Variants in GPC5 observed in about 807,000 individuals in gnomAD.
The protein encoded by GPC5 is glypican 5.
In GPC5, 47 loss-of-function variants were observed where a neutral mutation model predicts 53.9. The ratio of observed to expected loss-of-function variants is 0.87; its 90% CI spans 0.69 to 1.11. The LOEUF (loss-of-function observed/expected upper bound fraction) is 1.11, where lower values mean the gene tolerates loss of function less well. Ranked by LOEUF, GPC5 falls within the 50% of genes most tolerant of loss-of-function variation. GPC5 has a pLI of 0.00. For synonymous variants in GPC5, 286 were observed against 263.3 expected (o/e 1.09, Z -0.84); for missense variants, 748 against 713.1 (o/e 1.05, Z -0.56).
chr13:92,182,609 C>T (rs1025029432), intron 7 of GPC5, among the ~76,000 whole-genome samples: 15 of 151,982 alleles, frequency 9.9e-5, no homozygotes, highest in African/African-American at 3.4e-4. Context: ...AAGAAAATTC[C>T]GATCGCCATA....
chr13:91,781,653 G>A (rs573443663), intron 5 of GPC5, among the ~76,000 whole-genome samples: 2 of 152,250 alleles, frequency 1.3e-5, no homozygotes, highest in East Asian at 1.9e-4. Context: ...TTTACCAACC[G>A]CATGAAATAG....
chr13:91,449,508 T>A (rs1881038873), intron 2 of GPC5, among the ~76,000 whole-genome samples: 1 of 152,058 alleles, frequency 6.6e-6, no homozygotes, highest in South Asian at 2.1e-4. Context: ...ATGCTCTCCC[T>A]CCCCTTGCGT....
intron 7 of GPC5, among the ~76,000 whole-genome samples, chr13:92,428,219 A>T (rs1326522803): frequency 6.6e-6 from 1 of 152,056 alleles, no homozygotes; most frequent in African/African-American, 2.4e-5. Flanking sequence ...GGCTCTGCTG[A>T]TGTCATCGTA....
At chr13:92,237,775 C>T (rs1409228871) in intron 7 of GPC5, among the ~76,000 whole-genome samples, 1 of 152,002 alleles carries the variant, frequency 6.6e-6, no homozygotes, top group Non-Finnish European at 1.5e-5. Flanking sequence ...AATTTTAGAA[C>T]ATTTTCATCA....
intron 7 of GPC5, among the ~76,000 whole-genome samples, chr13:92,556,283 G>C (rs1435790301): frequency 6.6e-6 from 1 of 151,716 alleles, no homozygotes; most frequent in Non-Finnish European, 1.5e-5. Context: ...GTGTGATCTA[G>C]TTTTAACTTT....
intron 7 of GPC5, among the ~76,000 whole-genome samples, chr13:92,619,934 A>G (rs961439703): frequency 6.6e-6 from 1 of 152,078 alleles, no homozygotes; most frequent in Non-Finnish European, 1.5e-5. Flanking sequence ...TCACTAATCT[A>G]CAATCAGAGG....
intron 7 of GPC5, among the ~76,000 whole-genome samples, chr13:92,302,972 C>G (rs1315218286): frequency 1.3e-5 from 2 of 152,108 alleles, no homozygotes; most frequent in African/African-American, 4.8e-5. Flanking sequence ...TTTTCAAAAC[C>G]TTTATTTCTA....
chr13:91,828,859 AAAG>A (rs947633210), intron 5 of GPC5, among the ~76,000 whole-genome samples: 3 of 152,060 alleles, frequency 2.0e-5, no homozygotes, highest in Non-Finnish European at 2.9e-5. Flanking sequence ...AATGTACAAA[AAAG>A]AAGAGGTTGG....
At chr13:92,741,370 T>C (rs1189705809) in intron 7 of GPC5, among the ~76,000 whole-genome samples, 1 of 151,874 alleles carries the variant, frequency 6.6e-6, no homozygotes, top group Non-Finnish European at 1.5e-5. Context: ...CGTGGGAGGC[T>C]CTGAGCTTTC....
At chr13:92,385,993 A>G (rs1306185169) in intron 7 of GPC5, among the ~76,000 whole-genome samples, 1 of 151,770 alleles carries the variant, frequency 6.6e-6, no homozygotes, top group Non-Finnish European at 1.5e-5. Flanking sequence ...AGGATAATGT[A>G]ATGAAGCATA....
intron 6 of GPC5, among the ~76,000 whole-genome samples, chr13:91,919,629 A>G (rs1231592868): frequency 1.3e-5 from 2 of 152,176 alleles, no homozygotes; most frequent in African/African-American, 2.4e-5. Flanking sequence ...CCTAGGATAC[A>G]TGGAAATATG....
chr13:91,788,181 A>G (rs1162395866), intron 5 of GPC5, among the ~76,000 whole-genome samples: 2 of 152,212 alleles, frequency 1.3e-5, no homozygotes, highest in African/African-American at 2.4e-5. Flanking sequence ...AGGTGCTGAC[A>G]TGTTTAGTAT....
chr13:92,696,511 G>C (rs1199851104), intron 7 of GPC5, among the ~76,000 whole-genome samples: 1 of 152,154 alleles, frequency 6.6e-6, no homozygotes, highest in Non-Finnish European at 1.5e-5. Context: ...AGAAGCATCT[G>C]TTCATAGCCT....
At chr13:92,071,836 CAT>C (rs887886048) in intron 6 of GPC5, among the ~76,000 whole-genome samples, 5 of 146,204 alleles carry the variant, frequency 3.4e-5, no homozygotes, top group South Asian at 4.2e-4. Flanking sequence ...ATATTTTATT[CAT>C]ATATATATAA....
At chr13:91,890,210 T>G (rs927655032) in intron 5 of GPC5, among the ~76,000 whole-genome samples, 2 of 152,172 alleles carry the variant, frequency 1.3e-5, no homozygotes, top group African/African-American at 4.8e-5. Flanking sequence ...AAGATTGTGG[T>G]TTTTGCAGTC....
chr13:91,731,339 G>A (rs1361336408), intron 4 of GPC5, among the ~76,000 whole-genome samples: 1 of 152,152 alleles, frequency 6.6e-6, no homozygotes, highest in Admixed American at 6.6e-5. Context: ...GAGGTAAGTA[G>A]CGAGGTGTTA....
intron 2 of GPC5, among the ~76,000 whole-genome samples, chr13:91,688,504 T>A (rs191726674): frequency 1.3e-5 from 2 of 152,260 alleles, no homozygotes; most frequent in Non-Finnish European, 2.9e-5. Flanking sequence ...AGTCCCCCAA[T>A]TTTTTGATAT....
intron 6 of GPC5, among the ~76,000 whole-genome samples, chr13:92,036,659 C>T (rs2040895318): frequency 1.3e-5 from 2 of 152,332 alleles, no homozygotes; most frequent in Middle Eastern, 3.4e-3. Context: ...CCTCCCTCAA[C>T]ATGGATGTCA....
At position 92,579,304 on chromosome 13, in the gene GPC5, TCC is replaced by T. The variant is rs1464196989; in HGVS notation, c.1562-286976_1562-286975del. Among the ~76,000 whole-genome samples, 36 of 47,670 alleles carry T rather than the reference TCC, an allele frequency of 7.6e-4. 1 individual carries two copies. The highest frequency in any genetic ancestry group is 1.9e-3 in the African/African-American group (19 of 9,790). 31.3% of individuals were successfully genotyped at this position (47,670 alleles called of 152,430 possible). ...CTCTCTCTCTCTCTCTCTCTCTCCC[TCC>T]CTCCCTCCCTCCCTCCCTCTCTCTC... On this transcript the variant is annotated intron_variant, in intron 7 of 7. Transcript: ENST00000377067.
Sources: gnomAD v4.1 joint callset for allele counts (sites outside exome capture counted in the v4.1 genomes callset) on GRCh38, gnomAD v4.1.1 for gene constraint, MANE v1.5 for transcripts, NCBI Gene and HGNC (gene_info 2026-07-23, HGNC 2026-07-21) for gene names.